The following BICC1 variants were observed in gnomAD, a reference collection of about 807,000 sequenced individuals.
The protein encoded by BICC1 is protein bicaudal C homolog 1.
A neutral mutation model predicts 111.0 loss-of-function variants in BICC1; 43 were observed. The ratio of observed to expected loss-of-function variants is 0.39; its 90% CI spans 0.30 to 0.50. The LOEUF (loss-of-function observed/expected upper bound fraction) is 0.50, where lower values mean the gene tolerates loss of function less well. Among genes scored for constraint, BICC1 ranks in the 20% least tolerant of loss-of-function variants. The probability of loss-of-function intolerance (pLI) is 0.88; values close to 1 mark genes in which losing one functional copy is unlikely to be tolerated. For synonymous variants in BICC1, 467 were observed against 434.4 expected (o/e 1.07, Z -0.93); for missense variants, 1,091 against 1,203.2 (o/e 0.91, Z 1.38).
intron 1 of BICC1, among the ~76,000 whole-genome samples, chr10:58,551,351 TTTA>T (rs1257876036): frequency 2.8e-4 from 42 of 152,176 alleles, no homozygotes; most frequent in Non-Finnish European, 5.3e-4. Context: ...TTATTATTTA[TTTA>T]CTTTTAAATT....
intron 14 of BICC1, among the ~76,000 whole-genome samples, chr10:58,802,523 G>A (rs112426622): frequency 0.01 from 1,582 of 152,124 alleles, 34 homozygotes; most frequent in African/African-American, 0.036. Context: ...GCACTTTTAC[G>A]CTCTGCCTGT....
At chr10:58,558,864 T>G (rs1259316933) in intron 1 of BICC1, among the ~76,000 whole-genome samples, 1 of 152,076 alleles carries the variant, frequency 6.6e-6, no homozygotes, top group Non-Finnish European at 1.5e-5. Flanking sequence ...GGGCAAGGCA[T>G]TTACCTGGGT....
chr10:58,697,851 A>G (rs1840109865), intron 2 of BICC1, among the ~76,000 whole-genome samples: 1 of 151,582 alleles, frequency 6.6e-6, no homozygotes, highest in Non-Finnish European at 1.5e-5. Flanking sequence ...GCAATAATCT[A>G]GCTCCAGTAC....
intron 2 of BICC1, among the ~76,000 whole-genome samples, chr10:58,658,624 C>T (rs1207580963): frequency 6.6e-6 from 1 of 152,006 alleles, no homozygotes; most frequent in Non-Finnish European, 1.5e-5. Flanking sequence ...ATTGTTTATT[C>T]GTTTAATGGG....
At chr10:58,542,433 G>C (rs1028633503) in intron 1 of BICC1, among the ~76,000 whole-genome samples, 1 of 151,618 alleles carries the variant, frequency 6.6e-6, no homozygotes. Context: ...GAAAACAGGG[G>C]AAAAGCTTCA....
intron 2 of BICC1, among the ~76,000 whole-genome samples, chr10:58,685,718 G>C (rs1271581132): frequency 6.6e-6 from 1 of 152,164 alleles, no homozygotes; most frequent in South Asian, 2.1e-4. Context: ...CCATTTGCTT[G>C]GTAGATCTCC....
chr10:58,656,887 C>T (rs1319097644), intron 2 of BICC1, among the ~76,000 whole-genome samples: 1 of 152,144 alleles, frequency 6.6e-6, no homozygotes, highest in Non-Finnish European at 1.5e-5. Flanking sequence ...TTAATTTTAT[C>T]TCGGCATAAC....
chr10:58,606,285 A>G (rs1437933878), intron 1 of BICC1, among the ~76,000 whole-genome samples: 1 of 152,190 alleles, frequency 6.6e-6, no homozygotes, highest in African/African-American at 2.4e-5. Context: ...TAATATATGG[A>G]ATCCAAGTAG....
intron 1 of BICC1, among the ~76,000 whole-genome samples, chr10:58,536,593 A>G (rs1564476410): frequency 6.6e-6 from 1 of 151,860 alleles, no homozygotes; most frequent in Non-Finnish European, 1.5e-5. Flanking sequence ...ATAGCACTAA[A>G]TACCTACATC....
chr10:58,799,307 A>AC (rs1843463303), intron 12 of BICC1, 55 bp downstream of exon 12: 4 of 1,368,980 alleles, frequency 2.9e-6, no homozygotes, highest in Non-Finnish European at 2.9e-6. Flanking sequence ...TAAGAGACAA[A>AC]CCCCTGGTAA....
chr10:58,816,083 T>A (rs941606010), intron 18 of BICC1, among the ~76,000 whole-genome samples: 1 of 152,178 alleles, frequency 6.6e-6, no homozygotes, highest in African/African-American at 2.4e-5. Context: ...TACCAGTTGC[T>A]GCAGCATAAT....
chr10:58,525,656 T>A (rs1466332942), intron 1 of BICC1, among the ~76,000 whole-genome samples: 1 of 147,980 alleles, frequency 6.8e-6, no homozygotes, highest in African/African-American at 2.5e-5. Flanking sequence ...GGCACATGTA[T>A]ACATATGTAA....
chr10:58,569,696 C>T (rs1843885397), intron 1 of BICC1, among the ~76,000 whole-genome samples: 1 of 152,170 alleles, frequency 6.6e-6, no homozygotes, highest in African/African-American at 2.4e-5. Flanking sequence ...CCAGCTTCTT[C>T]TATGTCCCTG....
chr10:58,622,884 C>T (rs1180130100), intron 2 of BICC1, among the ~76,000 whole-genome samples: 1 of 152,200 alleles, frequency 6.6e-6, no homozygotes, highest in Non-Finnish European at 1.5e-5. Context: ...CATAGCTGTT[C>T]ACTAGCATCT....
intron 2 of BICC1, among the ~76,000 whole-genome samples, chr10:58,692,573 T>C (rs1028741244): frequency 6.6e-6 from 1 of 152,218 alleles, no homozygotes; most frequent in African/African-American, 2.4e-5. Context: ...CAGTACACTC[T>C]ATTTAAATGT....
chr10:58,753,689 G>GACACAC (rs150164617), intron 3 of BICC1, among the ~76,000 whole-genome samples: 1 of 150,060 alleles, frequency 6.7e-6, no homozygotes, highest in Non-Finnish European at 1.5e-5. Context: ...CACACACACA[G>GACACAC]ACACACACAC....
chr10:58,588,247 C>G (rs1342988503), intron 1 of BICC1, among the ~76,000 whole-genome samples: 3 of 152,146 alleles, frequency 2.0e-5, no homozygotes, highest in Non-Finnish European at 4.4e-5. Context: ...GAGAGGCTGA[C>G]TAGAAATATG....
At chr10:58,732,379 GTATATATATATATATATATATA>G (rs1163026692) in intron 3 of BICC1, among the ~76,000 whole-genome samples, 2,818 of 75,746 alleles carry the variant, frequency 0.037, 714 homozygotes, top group Middle Eastern at 0.054. Context: ...GTGTGTGTAT[GTATATATATATATATATATATA>G]TATATATATA....
At chr10:58,673,613 T>A (rs1839247693) in intron 2 of BICC1, among the ~76,000 whole-genome samples, 1 of 152,142 alleles carries the variant, frequency 6.6e-6, no homozygotes, top group East Asian at 1.9e-4. Context: ...TACCACATTC[T>A]TGTTATTTTT....
Sources: allele counts gnomAD v4.1 joint callset (sites outside exome capture counted in the v4.1 genomes callset), GRCh38; gene constraint gnomAD v4.1.1; transcripts MANE v1.5; gene names NCBI Gene and HGNC (gene_info 2026-07-23, HGNC 2026-07-21).